The following LNPK variants were observed in gnomAD, a reference collection of about 807,000 sequenced individuals.
LNPK encodes the protein endoplasmic reticulum junction formation protein lunapark.
LNPK carries 29 observed loss-of-function variants against 55.2 expected under a neutral mutation model. That is an observed-to-expected ratio of 0.53 (90% CI 0.39 to 0.72). The LOEUF is 0.72. Ranked by LOEUF, LNPK falls within the 30% of genes least tolerant of loss-of-function variation. LNPK has a pLI of 0.00. For missense variants in LNPK, 467 were observed against 494.8 expected, an observed-to-expected ratio of 0.94 and a Z score of 0.53; for synonymous variants, 162 against 168.2, an observed-to-expected ratio of 0.96 and a Z score of 0.29.
At chr2:175,967,749 T>G in intron 6 of LNPK, 4 of 974,304 alleles carry the variant, frequency 4.1e-6, no homozygotes, top group Non-Finnish European at 4.9e-6. Flanking sequence ...ATAAGAGTAT[T>G]CCACAATAAT....
At chr2:175,989,176 A>G (rs749603547) in intron 4 of LNPK, among the ~76,000 whole-genome samples, 1 of 152,188 alleles carries the variant, frequency 6.6e-6, no homozygotes, top group Non-Finnish European at 1.5e-5. Context: ...TTGAGGAAAT[A>G]CCTAACATGT....
chr2:175,950,639 G>T (rs959091159), intron 8 of LNPK, among the ~76,000 whole-genome samples: 3 of 151,874 alleles, frequency 2.0e-5, no homozygotes, highest in African/African-American at 7.3e-5. Context: ...AAAGACTCTG[G>T]GACCAAATGG....
intron 9 of LNPK, among the ~76,000 whole-genome samples, chr2:175,945,259 C>T (rs956797995): frequency 4.7e-5 from 7 of 149,694 alleles, no homozygotes; most frequent in South Asian, 4.2e-4. Flanking sequence ...CCTGTAATCC[C>T]GGCACTTTGG....
chr2:175,978,765 A>G (rs892608647), intron 5 of LNPK, among the ~76,000 whole-genome samples: 1 of 152,224 alleles, frequency 6.6e-6, no homozygotes, highest in Non-Finnish European at 1.5e-5. Context: ...CTGTAAATGT[A>G]TTTAATCAGA....
rs72912932 is a variant in LNPK, at chr2:175,944,766, T to A, written c.706+2714A>T. Among the ~76,000 whole-genome samples the A allele has an allele frequency of 2.3e-3, 357 of 152,316 alleles. 3 individuals carry two copies. Among genetic ancestry groups the A allele is most frequent in the Admixed American group, 7.6e-3 (116 of 15,302 alleles). On this transcript the variant is annotated intron_variant, in intron 9 of 12. Transcript: ENST00000272748. ...TTAGGATAGCAATACTACATTATAC[T>A]AAATTCTTATAATTTAAAGGAATAA...
intron 4 of LNPK, among the ~76,000 whole-genome samples, chr2:175,990,398 G>C (rs886666599): frequency 6.6e-6 from 1 of 152,184 alleles, no homozygotes; most frequent in East Asian, 1.9e-4. Flanking sequence ...GAATGAAGCA[G>C]CCTGAGGCCC....
intron 4 of LNPK, among the ~76,000 whole-genome samples, chr2:175,985,145 C>CA (rs1687345376): frequency 1.3e-5 from 2 of 152,076 alleles, no homozygotes; most frequent in South Asian, 4.1e-4. Context: ...CTTGAAATAA[C>CA]AAATTTGTGG....
intron 8 of LNPK, among the ~76,000 whole-genome samples, chr2:175,953,538 G>A (rs1685524513): frequency 6.6e-6 from 1 of 151,940 alleles, no homozygotes. Context: ...CAAAAACGTA[G>A]GTCACATCTT....
intron 6 of LNPK, among the ~76,000 whole-genome samples, chr2:175,965,478 C>A (rs974312238): frequency 6.6e-6 from 1 of 152,086 alleles, no homozygotes; most frequent in Non-Finnish European, 1.5e-5. Flanking sequence ...TGGAAAAGAA[C>A]CTTTTCTTTC....
chr2:175,973,701 C>T (rs1205625691), intron 5 of LNPK, among the ~76,000 whole-genome samples: 1 of 152,208 alleles, frequency 6.6e-6, no homozygotes, highest in Admixed American at 6.5e-5. Flanking sequence ...ACTTCAAGCT[C>T]AGCGTGGACA....
At chr2:175,960,911 A>G (rs953805941) in intron 8 of LNPK, among the ~76,000 whole-genome samples, 1 of 152,330 alleles carries the variant, frequency 6.6e-6, no homozygotes, top group African/African-American at 2.4e-5. Flanking sequence ...ACAAACTACC[A>G]TAAGAGAATA....
intron 3 of LNPK, 100 bp from the exon 4 acceptor site, chr2:175,992,518 C>T (rs1687753675): frequency 2.9e-6 from 2 of 691,832 alleles, no homozygotes; most frequent in East Asian, 6.5e-5. Flanking sequence ...AGAAAAAACT[C>T]TTATTTAAAG....
At chr2:175,943,245 G>GAA (rs561523124) in intron 9 of LNPK, among the ~76,000 whole-genome samples, 10 of 127,170 alleles carry the variant, frequency 7.9e-5, no homozygotes, top group Non-Finnish European at 1.5e-4. Flanking sequence ...TCTCTCAGAA[G>GAA]AAAAAAAAAA....
chr2:175,957,306 C>T (rs750652030), intron 8 of LNPK, among the ~76,000 whole-genome samples: 32 of 151,974 alleles, frequency 2.1e-4, no homozygotes, highest in Non-Finnish European at 4.0e-4. Flanking sequence ...TGCAGCAAGC[C>T]GAGATCACGC....
intron 8 of LNPK, among the ~76,000 whole-genome samples, chr2:175,951,607 A>ATATATATATATATATATACATATATATC (rs972901665): frequency 8.2e-6 from 1 of 121,722 alleles, no homozygotes; most frequent in Non-Finnish European, 1.9e-5. Context: ...ATATATATAT[A>ATATATATATATATATATACATATATATC]TATCTCAGTT....
At chr2:175,940,537 A>G (rs1559030512) in intron 9 of LNPK, among the ~76,000 whole-genome samples, 1 of 152,186 alleles carries the variant, frequency 6.6e-6, no homozygotes, top group Non-Finnish European at 1.5e-5. Context: ...CACACAGGCC[A>G]TTAGGTAAAG....
In LNPK at chr2:175,986,372, T is replaced by C. The variant is rs2105702459; in HGVS notation, c.257+5859A>G. Reference sequence around the variant, plus strand: ...CTAAGACAATAAATAAAAATATAAATATATATTTGCCATCCATAAATAACT... The same window carrying C: ...CTAAGACAATAAATAAAAATATAAACATATATTTGCCATCCATAAATAACT... On this transcript the variant is annotated intron_variant, in intron 4 of 12. Transcript: ENST00000272748. Among the ~76,000 whole-genome samples, 2 of 151,992 alleles carry C rather than the reference T, an allele frequency of 1.3e-5. 1 individual carries two copies. Among genetic ancestry groups the C allele is most frequent in the East Asian group, 3.9e-4 (2 of 5,182 alleles).
chr2:175,960,750 C>CA (rs1404548424), intron 8 of LNPK, among the ~76,000 whole-genome samples: 2 of 152,146 alleles, frequency 1.3e-5, no homozygotes, highest in South Asian at 2.1e-4. Context: ...AAAAACCCTT[C>CA]AAAAAATCAA....
In LNPK at chr2:175,930,046, A is replaced by G. The variant is rs774091025; in HGVS notation, c.1208T>C (p.Ile403Thr). ...TCCAGGAACTGTGGAGTTGGTTTCA[A>G]TCACTGAGGCTTCCTCATTCTCAGT... ...QETENEEASV[I>T]ETNSTVPGAD... The change falls in exon 13 of 13, where the codon ATT becomes ACT. Residue 403 changes from isoleucine to threonine, a missense_variant. Coordinates refer to ENST00000272748, the MANE Select transcript of LNPK (RefSeq NM_030650.3). The G allele has an allele frequency of 5.6e-6, 9 of 1,614,090 alleles. No individual in the cohort carries two copies. The highest frequency in any genetic ancestry group is 2.2e-5 in the South Asian group (2 of 91,082).
Sources: allele counts gnomAD v4.1 joint callset (sites outside exome capture counted in the v4.1 genomes callset), GRCh38; gene constraint gnomAD v4.1.1; transcripts MANE v1.5; gene names NCBI Gene and HGNC (gene_info 2026-07-23, HGNC 2026-07-21).